N4BP1: variants seen among roughly 807,000 people sequenced by gnomAD.
The protein encoded by N4BP1 is NEDD4 binding protein 1, also known as NEDD4-binding protein 1.
A neutral mutation model predicts 70.9 loss-of-function variants in N4BP1; 21 were observed. The observed-to-expected ratio is 0.30, with a 90% CI of 0.21 to 0.43. The LOEUF (loss-of-function observed/expected upper bound fraction) is 0.43. N4BP1 is among the 20% of genes least tolerant of loss of function. The pLI is 1.00. For synonymous variants in N4BP1, 387 were observed against 394.6 expected, an observed-to-expected ratio of 0.98 and a Z score of 0.23; for missense variants, 936 against 1,069.4, an observed-to-expected ratio of 0.88 and a Z score of 1.74.
At position 48,539,102 on chromosome 16, in the gene N4BP1, T is replaced by TCAAGTATGGCTGGGAGGTGGACAGC. The variant is rs1963449011; in HGVS notation, c.*3777_*3801dup. ...GGCTGCAGGGAGAGTTTGGGGACAGTCAAGTATGGCTGGGAGGTGGACAGC... is the reference window on the plus strand; with the variant it reads ...GGCTGCAGGGAGAGTTTGGGGACAGTCAAGTATGGCTGGGAGGTGGACAGCCAAGTATGGCTGGGAGGTGGACAGC... On this transcript the variant is annotated 3_prime_UTR_variant, in exon 7 of 7. Transcript: ENST00000262384. The TCAAGTATGGCTGGGAGGTGGACAGC allele has an allele frequency of 1.3e-5, 2 of 152,226 alleles. No homozygotes were observed. Among genetic ancestry groups the TCAAGTATGGCTGGGAGGTGGACAGC allele is most frequent in the African/African-American group, 4.8e-5 (2 of 41,388 alleles). The allele number at this position is 152,226 out of a possible 1,614,324, so 9.4% of individuals were successfully genotyped here. A position where few individuals can be genotyped will look rare whatever the true frequency, so the allele number is the denominator to read the frequency against.
intron 1 of N4BP1, among the ~76,000 whole-genome samples, chr16:48,596,685 T>C (rs1964418917): frequency 6.6e-6 from 1 of 152,216 alleles, no homozygotes; most frequent in African/African-American, 2.4e-5. Context: ...AGGCTGGAAC[T>C]AACCTTGGCA....
intron 1 of N4BP1, among the ~76,000 whole-genome samples, chr16:48,605,285 A>T (rs1191501760): frequency 1.3e-5 from 2 of 152,068 alleles, no homozygotes; most frequent in African/African-American, 4.8e-5. Flanking sequence ...ACCACTCGGC[A>T]TCCCAAAGTG....
At chr16:48,546,758 T>C (rs1963596954) in intron 5 of N4BP1, among the ~76,000 whole-genome samples, 1 of 152,092 alleles carries the variant, frequency 6.6e-6, no homozygotes. Context: ...AAACAGAAAA[T>C]AAAATAATTT....
intron 6 of N4BP1, among the ~76,000 whole-genome samples, chr16:48,544,448 A>T (rs1963561612): frequency 6.6e-6 from 1 of 152,008 alleles, no homozygotes; most frequent in Admixed American, 6.6e-5. Flanking sequence ...CTCAGCTTAG[A>T]CCCCCCATCA....
chr16:48,590,725 G>T (rs1183394648), intron 1 of N4BP1, among the ~76,000 whole-genome samples: 1 of 152,142 alleles, frequency 6.6e-6, no homozygotes, highest in Admixed American at 6.5e-5. Context: ...CCTATCACAG[G>T]GTGTCTGGCT....
chr16:48,601,518 T>G (rs1271640294), intron 1 of N4BP1, among the ~76,000 whole-genome samples: 1 of 152,132 alleles, frequency 6.6e-6, no homozygotes, highest in Non-Finnish European at 1.5e-5. Flanking sequence ...TGGATAAAGA[T>G]CCCAGAAGAC....
At chr16:48,546,525 C>T (rs945887823) in intron 5 of N4BP1, 6 of 305,926 alleles carry the variant, frequency 2.0e-5, no homozygotes, top group African/African-American at 6.4e-5. Context: ...CTTAGGAAGC[C>T]GCTTCTTCTT....
At position 48,553,524 on chromosome 16, in the gene N4BP1, ATCAGT is replaced by A; in HGVS notation, c.2020+10_2020+14del. ...AACATTTCACTAGAAATCTGAAAAA[ATCAGT>A]TTGCCTCACCTGTGACATTAGGATC... On this transcript the variant is annotated intron_variant, in intron 3 of 6. Transcript: ENST00000262384. 1 of 1,524,036 alleles carries A rather than the reference ATCAGT, an allele frequency of 6.6e-7. No homozygotes were observed. The highest frequency in any genetic ancestry group is 8.8e-7 in the Non-Finnish European group (1 of 1,138,294). 94.4% of individuals were successfully genotyped at this position (1,524,036 alleles called of 1,614,324 possible).
intron 1 of N4BP1, among the ~76,000 whole-genome samples, chr16:48,567,283 T>C (rs1450857446): frequency 6.6e-6 from 1 of 152,202 alleles, no homozygotes; most frequent in Non-Finnish European, 1.5e-5. Context: ...TTCTTTTGCA[T>C]TATACAAACA....
At chr16:48,572,274 C>G (rs754161869) in intron 1 of N4BP1, among the ~76,000 whole-genome samples, 8 of 152,124 alleles carry the variant, frequency 5.3e-5, no homozygotes, top group Non-Finnish European at 1.0e-4. Context: ...AACGAAAGGA[C>G]AGAAACATCT....
intron 1 of N4BP1, among the ~76,000 whole-genome samples, chr16:48,595,476 A>G (rs1010774854): frequency 1.4e-4 from 21 of 151,100 alleles, no homozygotes; most frequent in East Asian, 9.7e-4. Context: ...AAAAAAAAAA[A>G]AAAGAAAGAA....
intron 1 of N4BP1, among the ~76,000 whole-genome samples, chr16:48,563,270 G>A (rs995726196): frequency 8.6e-5 from 13 of 151,960 alleles, no homozygotes; most frequent in African/African-American, 2.7e-4. Context: ...TGGGAGGATC[G>A]CTTCAGCCCA....
intron 1 of N4BP1, chr16:48,587,427 T>C (rs1166265528): frequency 6.6e-6 from 1 of 152,234 alleles, no homozygotes; most frequent in Non-Finnish European, 1.5e-5. Flanking sequence ...TAGTTGATTT[T>C]TTACAATGTT....
intron 1 of N4BP1, among the ~76,000 whole-genome samples, chr16:48,599,659 A>G (rs996385934): frequency 6.6e-6 from 1 of 152,260 alleles, no homozygotes; most frequent in Non-Finnish European, 1.5e-5. Context: ...ACACATGGAA[A>G]ATAATGTAAT....
rs772809774 is a variant in N4BP1, at chr16:48,561,642, A to G, written c.1001T>C (p.Leu334Ser). ...AGTAGTTTCTTTTATATCTGGACTT[A>G]AATTTTCAGAATCAGCAGAAGAATC... ...LSDSSADSEN[L>S]SPDIKETTEE... is the part of the protein sequence containing the mutation. Residue 334 changes from leucine (L) to serine (S), a missense_variant, in exon 2 of 7, where the codon TTA becomes TCA. By Grantham distance (145) the Leu-to-Ser change is moderately radical (BLOSUM62 -2). Around this residue, in one of 4 missense-constraint regions of N4BP1, gnomAD observed 515 missense variants for 491.7 expected, o/e 1.05. Transcript: ENST00000262384. 6.2e-7 allele frequency: 1 copy of G among 1,613,486 alleles called. No homozygotes were observed.
intron 1 of N4BP1, chr16:48,600,659 CTG>C (rs1964481767): frequency 4.0e-6 from 2 of 493,834 alleles, no homozygotes; most frequent in South Asian, 3.3e-5. Context: ...TTAAAAATCT[CTG>C]TAACCATTTC....
At chr16:48,549,381 T>C (rs1171791900) in intron 4 of N4BP1, among the ~76,000 whole-genome samples, 1 of 152,192 alleles carries the variant, frequency 6.6e-6, no homozygotes, top group Non-Finnish European at 1.5e-5. Context: ...TCTGAGTTCA[T>C]GTACCATGAA....
intron 1 of N4BP1, among the ~76,000 whole-genome samples, chr16:48,598,744 G>T (rs1283978844): frequency 6.6e-6 from 1 of 152,056 alleles, no homozygotes; most frequent in Non-Finnish European, 1.5e-5. Flanking sequence ...TTACCCTCTG[G>T]CTGGGGACTC....
At chr16:48,592,747 T>G (rs999791108) in intron 1 of N4BP1, among the ~76,000 whole-genome samples, 8 of 152,240 alleles carry the variant, frequency 5.3e-5, no homozygotes, top group African/African-American at 1.9e-4. Context: ...CTAAATTAGG[T>G]CAAATATTAG....
Sources: allele counts gnomAD v4.1 joint callset (sites outside exome capture counted in the v4.1 genomes callset), GRCh38; gene constraint gnomAD v4.1.1; regional missense constraint gnomAD v4.1.1; transcripts MANE v1.5; gene names NCBI Gene and HGNC (gene_info 2026-07-23, HGNC 2026-07-21).